The following C1orf87 variants were observed in gnomAD, a reference collection of about 807,000 sequenced individuals.
The protein encoded by C1orf87 is chromosome 1 open reading frame 87.
In C1orf87, 58 loss-of-function variants were observed where a neutral mutation model predicts 60.5. The ratio of observed to expected loss-of-function variants is 0.96; its 90% CI spans 0.78 to 1.19. The LOEUF (loss-of-function observed/expected upper bound fraction) is 1.19. Ranked by LOEUF, C1orf87 falls within the 50% of genes most tolerant of loss-of-function variation. C1orf87 has a pLI of 0.00. For missense variants in C1orf87, 673 were observed against 638.6 expected, an observed-to-expected ratio of 1.05 and a Z score of -0.58; for synonymous variants, 236 against 227.4, an observed-to-expected ratio of 1.04 and a Z score of -0.34.
At chr1:60,067,350 TG>T (rs1349611041) in intron 2 of C1orf87, among the ~76,000 whole-genome samples, 1 of 152,184 alleles carries the variant, frequency 6.6e-6, no homozygotes, top group Non-Finnish European at 1.5e-5. Context: ...TTTCAATGAT[TG>T]CCATTCTAAC....
Position 60,038,127 on chromosome 1 carries a change from T to C in C1orf87, c.748-20A>G. On this transcript the variant is annotated intron_variant, in intron 5 of 11. Coordinates refer to ENST00000371201, the MANE Select transcript of C1orf87 (RefSeq NM_152377.3). ...ATTCACCTGAAAATTAAATGTAAAATAGAACATCCTCATTTAATTTATATG... is the reference window on the plus strand; with the variant it reads ...ATTCACCTGAAAATTAAATGTAAAACAGAACATCCTCATTTAATTTATATG... 1 of 1,421,968 alleles carries C rather than the reference T, an allele frequency of 7.0e-7. No individual in the cohort carries two copies. Among genetic ancestry groups the C allele is most frequent in the Non-Finnish European group, 9.7e-7 (1 of 1,030,836 alleles). The allele number at this position is 1,421,968 out of a possible 1,614,324, so 88.1% of individuals were successfully genotyped here.
intron 3 of C1orf87, among the ~76,000 whole-genome samples, chr1:60,049,796 G>A (rs1248399100): frequency 6.6e-6 from 1 of 152,058 alleles, no homozygotes; most frequent in Non-Finnish European, 1.5e-5. Flanking sequence ...TATGGTATAT[G>A]AGGAATAGAC....
At chr1:60,066,326 C>T (rs1645545630) in intron 2 of C1orf87, among the ~76,000 whole-genome samples, 1 of 152,158 alleles carries the variant, frequency 6.6e-6, no homozygotes, top group Admixed American at 6.6e-5. Context: ...TCAATTACTG[C>T]CACAGCTTTA....
At chr1:60,047,784 A>G (rs1645384104) in intron 3 of C1orf87, among the ~76,000 whole-genome samples, 1 of 152,026 alleles carries the variant, frequency 6.6e-6, no homozygotes, top group South Asian at 2.1e-4. Context: ...GCTTTATCAC[A>G]TAAAATATAC....
intron 6 of C1orf87, among the ~76,000 whole-genome samples, chr1:60,036,623 G>A (rs902642616): frequency 1.3e-5 from 2 of 152,202 alleles, no homozygotes; most frequent in Non-Finnish European, 2.9e-5. Context: ...GAACCACAGA[G>A]AAGTTAAGTG....
chr1:60,012,347 A>T (rs1369005764), intron 8 of C1orf87, among the ~76,000 whole-genome samples: 1 of 152,088 alleles, frequency 6.6e-6, no homozygotes, highest in African/African-American at 2.4e-5. Context: ...GACACCAGAA[A>T]ATTTTCTGCC....
At chr1:59,990,899 A>G (rs1212180400) in intron 11 of C1orf87, 66 bp from the exon 12 acceptor site, 1 of 1,491,850 alleles carries the variant, frequency 6.7e-7, no homozygotes, top group South Asian at 1.2e-5. Flanking sequence ...AGAAAACTAT[A>G]TATTAGCTTG....
intron 2 of C1orf87, 98 bp from the exon 3 acceptor site, chr1:60,055,536 T>A: frequency 9.8e-7 from 1 of 1,018,970 alleles, no homozygotes; most frequent in Non-Finnish European, 1.5e-6. Flanking sequence ...TTGTGAACAG[T>A]AGAAACTCAG....
chr1:59,996,214 A>T (rs927537762), intron 11 of C1orf87, among the ~76,000 whole-genome samples: 2 of 152,242 alleles, frequency 1.3e-5, no homozygotes, highest in Non-Finnish European at 2.9e-5. Context: ...CTATTGTCAT[A>T]TGATTACTTC....
At chr1:60,002,556 C>T (rs139337406) in intron 9 of C1orf87, among the ~76,000 whole-genome samples, 1,939 of 151,960 alleles carry the variant, frequency 0.013, 43 homozygotes, top group African/African-American at 0.044. Flanking sequence ...GAGTAGGTTG[C>T]GAAAATTTTC....
intron 2 of C1orf87, among the ~76,000 whole-genome samples, chr1:60,062,449 TA>T (rs1196949442): frequency 6.6e-6 from 1 of 152,172 alleles, no homozygotes; most frequent in African/African-American, 2.4e-5. Context: ...AAGTATACTT[TA>T]AAAAACACAG....
intron 8 of C1orf87, among the ~76,000 whole-genome samples, chr1:60,013,846 G>C (rs571737894): frequency 6.6e-6 from 1 of 151,978 alleles, no homozygotes; most frequent in South Asian, 2.1e-4. Context: ...TGCCTCTCAG[G>C]CATACACCTG....
chr1:60,052,888 GC>G (rs1051268262), intron 3 of C1orf87, among the ~76,000 whole-genome samples: 3 of 152,176 alleles, frequency 2.0e-5, no homozygotes, highest in African/African-American at 7.2e-5. Flanking sequence ...AGCACCACAC[GC>G]CCGCCCGGCA....
chr1:60,024,190 T>C (rs1463241909), intron 8 of C1orf87, among the ~76,000 whole-genome samples: 2 of 152,186 alleles, frequency 1.3e-5, no homozygotes, highest in African/African-American at 2.4e-5. Flanking sequence ...CATTTTAAAA[T>C]TGTGATTTTT....
At chr1:60,001,405 A>G in intron 9 of C1orf87, among the ~76,000 whole-genome samples, 1 of 152,240 alleles carries the variant, frequency 6.6e-6, no homozygotes, top group South Asian at 2.1e-4. Context: ...ACAACTTACT[A>G]TAAATAAAAC....
In C1orf87 at chr1:60,065,890, G is replaced by A. The variant is rs11590500; in HGVS notation, c.107+6647C>T. Reference sequence around the variant, plus strand: ...CAGTGATTTGTGGTTTAGTTCCAGAGAGCTGCAATAAAGCAAATATCACAA... The same window carrying A: ...CAGTGATTTGTGGTTTAGTTCCAGAAAGCTGCAATAAAGCAAATATCACAA... On this transcript the variant is annotated intron_variant, in intron 2 of 11. Transcript: ENST00000371201. Among the ~76,000 whole-genome samples, 218 of 152,082 alleles carry A rather than the reference G, an allele frequency of 1.4e-3. 2 individuals are homozygous for A. The South Asian group carries it at 0.016, about 11-fold the overall frequency.
chr1:60,037,595 G>A (rs185946574), intron 6 of C1orf87, among the ~76,000 whole-genome samples: 8 of 152,264 alleles, frequency 5.3e-5, no homozygotes, highest in East Asian at 3.9e-4. Flanking sequence ...ACATTAATGC[G>A]TTCAAGAAGG....
At position 60,026,230 on chromosome 1, in the gene C1orf87, C is replaced by T. The variant is rs34421389; in HGVS notation, c.1030-732G>A. ...ATGGCTAAACATATAAATGATAGAA[C>T]CAAACAGACCTTATCTGAGCACAGA... is the stretch of plus-strand genomic sequence containing the variant. On this transcript the variant is annotated intron_variant, in intron 7 of 11. Coordinates refer to ENST00000371201, the MANE Select transcript of C1orf87 (RefSeq NM_152377.3). 3.7e-3 allele frequency among the ~76,000 whole-genome samples: 560 copies of T among 152,220 alleles called. 2 individuals are homozygous for T. Among genetic ancestry groups the T allele is most frequent in the Non-Finnish European group, 5.8e-3 (395 of 67,996 alleles).
intron 9 of C1orf87, among the ~76,000 whole-genome samples, chr1:60,009,442 C>T (rs1220443651): frequency 6.6e-6 from 1 of 152,110 alleles, no homozygotes; most frequent in East Asian, 1.9e-4. Context: ...TTTTAAGCCA[C>T]CAAGATTGTG....
Sources: gnomAD v4.1 joint callset for allele counts (sites outside exome capture counted in the v4.1 genomes callset) on GRCh38, gnomAD v4.1.1 for gene constraint, MANE v1.5 for transcripts, NCBI Gene and HGNC (gene_info 2026-07-23, HGNC 2026-07-21) for gene names.